TMEM131: variants seen among roughly 807,000 people sequenced by gnomAD.
TMEM131 encodes the protein transmembrane protein 131, also known as 2610524E03Rik.
A neutral mutation model predicts 211.6 loss-of-function variants in TMEM131; 66 were observed. The ratio of observed to expected loss-of-function variants is 0.31; its 90% confidence interval spans 0.26 to 0.38. The LOEUF is 0.38. Ranked by LOEUF, TMEM131 falls within the 10% of genes least tolerant of loss-of-function variation. TMEM131 has a pLI of 1.00. For missense variants in TMEM131, 2,036 were observed against 2,299.3 expected, an observed-to-expected ratio of 0.89 and a Z score of 2.34; for synonymous variants, 844 against 841.3, an observed-to-expected ratio of 1.00 and a Z score of -0.06.
In TMEM131 at chr2:97,805,568, G is replaced by C. The variant is rs762113260; in HGVS notation, c.2191C>G (p.Pro731Ala). The change falls in exon 20 of 41, where the codon CCA becomes GCA. Residue 731 changes from proline (P) to alanine (A), a missense_variant. By Grantham distance (27) the Pro-to-Ala change is conservative. This residue lies in a region of TMEM131 where 1,623 missense variants were observed against 1,805.9 expected (regional missense o/e 0.90). Transcript: ENST00000186436. ...CTTCAAACCTTTGATTTTTTTCCTG[G>C]CTCCAAGTCTTCCTTATTGCCCCGT... Reference protein sequence around the residue: ...RLRGNKEDLEPGKKSKIANIY... With the variant: ...RLRGNKEDLEAGKKSKIANIY... The C allele has an allele frequency of 1.2e-6, 2 of 1,607,268 alleles. No individual in the cohort carries two copies. Among genetic ancestry groups the C allele is most frequent in the Non-Finnish European group, 1.7e-6 (2 of 1,175,638 alleles).
intron 31 of TMEM131, among the ~76,000 whole-genome samples, chr2:97,776,866 G>A (rs1291500891): frequency 2.0e-5 from 3 of 152,156 alleles, no homozygotes; most frequent in Non-Finnish European, 1.5e-5. Flanking sequence ...TCTGTAAGAT[G>A]GAGACACAAG....
chr2:97,920,222 A>G (rs180670817), intron 2 of TMEM131, among the ~76,000 whole-genome samples: 19 of 152,288 alleles, frequency 1.2e-4, no homozygotes, highest in African/African-American at 3.6e-4. Context: ...AGTAGCCCTC[A>G]ATCTCTTGCA....
chr2:97,832,533 T>C (rs896765306), intron 11 of TMEM131, among the ~76,000 whole-genome samples: 3 of 152,216 alleles, frequency 2.0e-5, no homozygotes, highest in African/African-American at 7.2e-5. Context: ...CTCTTTGGTC[T>C]ACTCCACCAG....
intron 1 of TMEM131, among the ~76,000 whole-genome samples, chr2:97,983,752 T>C (rs911487683): frequency 1.3e-5 from 2 of 152,214 alleles, no homozygotes; most frequent in Non-Finnish European, 2.9e-5. Flanking sequence ...GTTTCTTTTG[T>C]CTTTTTTCAT....
intron 6 of TMEM131, among the ~76,000 whole-genome samples, chr2:97,842,174 C>T (rs186741618): frequency 6.6e-6 from 1 of 152,136 alleles, no homozygotes; most frequent in Non-Finnish European, 1.5e-5. Flanking sequence ...AATTGAATAA[C>T]AGTCCTTCAA....
intron 2 of TMEM131, among the ~76,000 whole-genome samples, chr2:97,911,341 C>T (rs1044528061): frequency 6.6e-6 from 1 of 152,136 alleles, no homozygotes; most frequent in African/African-American, 2.4e-5. Context: ...TTAAGGGTGA[C>T]ACGTATGTCC....
chr2:97,919,862 G>A (rs1243256204), intron 2 of TMEM131, among the ~76,000 whole-genome samples: 2 of 152,132 alleles, frequency 1.3e-5, no homozygotes, highest in Admixed American at 6.6e-5. Context: ...GAACTACTGC[G>A]CCCAGCCTGG....
At chr2:97,903,232 A>C in intron 3 of TMEM131, among the ~76,000 whole-genome samples, 1 of 152,206 alleles carries the variant, frequency 6.6e-6, no homozygotes, top group East Asian at 1.9e-4. Context: ...AGAAGTGCTC[A>C]ATGATTGCTG....
At chr2:97,919,511 C>T (rs1446363932) in intron 2 of TMEM131, among the ~76,000 whole-genome samples, 2 of 152,194 alleles carry the variant, frequency 1.3e-5, no homozygotes, top group Non-Finnish European at 2.9e-5. Context: ...CAGGCTAATT[C>T]TACCTTCTTT....
chr2:97,942,503 A>G (rs1559463585), intron 1 of TMEM131, among the ~76,000 whole-genome samples: 1 of 67,686 alleles, frequency 1.5e-5, no homozygotes, highest in Non-Finnish European at 3.5e-5. Flanking sequence ...AAAAAAAAAG[A>G]AAAGAAAGAA....
intron 3 of TMEM131, among the ~76,000 whole-genome samples, chr2:97,898,783 A>ATTC (rs1472545146): frequency 1.3e-5 from 2 of 152,104 alleles, no homozygotes; most frequent in Non-Finnish European, 2.9e-5. Flanking sequence ...ATCCCTTATG[A>ATTC]TTTCTTTCTT....
chr2:97,926,390 A>G (rs1676993823), intron 2 of TMEM131, among the ~76,000 whole-genome samples: 1 of 152,222 alleles, frequency 6.6e-6, no homozygotes. Flanking sequence ...CAGTCAGAAA[A>G]AGATAACATT....
chr2:97,889,765 T>C (rs1412748342), intron 3 of TMEM131, among the ~76,000 whole-genome samples: 3 of 152,076 alleles, frequency 2.0e-5, no homozygotes, highest in Non-Finnish European at 2.9e-5. Context: ...AAAAAGTATA[T>C]ACCCCATCCA....
At chr2:97,813,249 C>T (rs1681644057) in intron 15 of TMEM131, among the ~76,000 whole-genome samples, 1 of 152,188 alleles carries the variant, frequency 6.6e-6, no homozygotes, top group Admixed American at 6.5e-5. Context: ...CAGCAAGCAT[C>T]ACCAATGATC....
chr2:97,840,561 G>T (rs1683150878), intron 7 of TMEM131, among the ~76,000 whole-genome samples: 1 of 152,238 alleles, frequency 6.6e-6, no homozygotes, highest in Admixed American at 6.5e-5. Context: ...CTGCACTCCA[G>T]TTTGAGTGAC....
intron 1 of TMEM131, among the ~76,000 whole-genome samples, chr2:97,992,054 T>C (rs989543977): frequency 1.3e-5 from 2 of 152,332 alleles, no homozygotes; most frequent in Non-Finnish European, 2.9e-5. Context: ...CGTTCATTAG[T>C]GAAGCACTTA....
chr2:97,878,622 T>C lies in TMEM131; in HGVS notation c.359+9430A>G, dbSNP rs555737252. 2.6e-5 allele frequency among the ~76,000 whole-genome samples: 4 copies of C among 152,242 alleles called. No homozygotes were observed. In the East Asian group the frequency reaches 7.7e-4, roughly 29 times the overall value. On this transcript the variant is annotated intron_variant, in intron 4 of 40. Coordinates refer to ENST00000186436, the MANE Select transcript of TMEM131 (RefSeq NM_015348.2). ...GCAGAAAACCAAACACTGCATGTTCTTACTCGTAAGTGGGAGTTGAACAAT... is the reference window on the plus strand; with the variant it reads ...GCAGAAAACCAAACACTGCATGTTCCTACTCGTAAGTGGGAGTTGAACAAT...
chr2:97,904,529 A>G (rs1264891714), intron 3 of TMEM131, among the ~76,000 whole-genome samples: 1 of 152,190 alleles, frequency 6.6e-6, no homozygotes, highest in Non-Finnish European at 1.5e-5. Flanking sequence ...AAAAGGTAAA[A>G]TATTAAATAC....
chr2:97,854,874 C>T (rs903086984), intron 5 of TMEM131, among the ~76,000 whole-genome samples: 2 of 152,194 alleles, frequency 1.3e-5, no homozygotes, highest in African/African-American at 2.4e-5. Flanking sequence ...CAAATGTCAC[C>T]TTCTGAATAA....
Sources: allele counts gnomAD v4.1 joint callset (sites outside exome capture counted in the v4.1 genomes callset), GRCh38; gene constraint gnomAD v4.1.1; regional missense constraint gnomAD v4.1.1; transcripts MANE v1.5; gene names NCBI Gene and HGNC (gene_info 2026-07-23, HGNC 2026-07-21).